ZNF490: variants seen among roughly 807,000 people sequenced by gnomAD.
ZNF490 encodes zinc finger protein 490.
A neutral mutation model predicts 17.7 loss-of-function variants in ZNF490; 11 were observed. The observed-to-expected ratio is 0.62, with a 90% confidence interval of 0.39 to 1.03. The LOEUF (loss-of-function observed/expected upper bound fraction) is 1.03. ZNF490 is among the 50% of genes least tolerant of loss of function. The probability of loss-of-function intolerance (pLI) is 0.00; values close to 1 mark genes in which losing one functional copy is unlikely to be tolerated. For missense variants in ZNF490, 542 were observed against 643.4 expected, an observed-to-expected ratio of 0.84 and a Z score of 1.71; for synonymous variants, 222 against 216.1, an observed-to-expected ratio of 1.03 and a Z score of -0.24.
chr19:12,597,432 GT>G (rs1456798500), intron 2 of ZNF490: 2 of 270,244 alleles, frequency 7.4e-6, no homozygotes, highest in African/African-American at 4.4e-5. Flanking sequence ...GCTTCCCAGA[GT>G]GGGTTTTCCC....
Position 12,610,736 on chromosome 19 carries a change from C to A in ZNF490, c.-56G>T. 1.9e-6 allele frequency: 3 copies of A among 1,547,750 alleles called. No homozygotes were observed. The highest frequency in any genetic ancestry group is 1.8e-6 in the Non-Finnish European group (2 of 1,125,180). On this transcript the variant is annotated 5_prime_UTR_variant, in exon 1 of 5. Transcript: ENST00000311437. Reference sequence around the variant, plus strand: ...AAGACTTCCGTGTCCGACCCGAGATCCGGAACAATTTCTGCTTCAACACAA... The same window carrying A: ...AAGACTTCCGTGTCCGACCCGAGATACGGAACAATTTCTGCTTCAACACAA...
chr19:12,602,125 C>CACACAT (rs3220551), intron 2 of ZNF490, among the ~76,000 whole-genome samples: 1 of 147,002 alleles, frequency 6.8e-6, no homozygotes, highest in Non-Finnish European at 1.5e-5. Context: ...CACACACACA[C>CACACAT]ACATATATGG....
At chr19:12,592,973 T>G (rs1445085147) in intron 2 of ZNF490, among the ~76,000 whole-genome samples, 1 of 152,212 alleles carries the variant, frequency 6.6e-6, no homozygotes, top group Non-Finnish European at 1.5e-5. Context: ...ATTCATGAAT[T>G]TTATTTTAGT....
intron 2 of ZNF490, among the ~76,000 whole-genome samples, 199 bp from the exon 3 acceptor site, chr19:12,583,755 CG>C: frequency 2.2e-5 from 1 of 45,800 alleles, no homozygotes; most frequent in Admixed American, 2.3e-4. Flanking sequence ...AAAATTATTG[CG>C]CTCTCTCTCT....
rs1207927382 is a variant in ZNF490 at position 12,584,824 on chromosome 19, T to TATTTTC, written c.163-1269_163-1268insGAAAAT. On this transcript the variant is annotated intron_variant, in intron 2 of 4. Coordinates refer to ENST00000311437, the MANE Select transcript of ZNF490 (RefSeq NM_020714.3). Reference sequence around the variant, plus strand: ...AACCATGCAAATCCAGGTGGCTGAATGAAAATATTCTTCTGCATTAGTATT... The same window carrying TATTTTC: ...AACCATGCAAATCCAGGTGGCTGAATATTTTCGAAAATATTCTTCTGCATTAGTATT... 3.2e-5 allele frequency among the ~76,000 whole-genome samples: 3 copies of TATTTTC among 94,514 alleles called. 1 individual carries two copies. In the East Asian group the frequency reaches 6.1e-4, roughly 19 times the overall value. 62.0% of individuals were successfully genotyped at this position (94,514 alleles called of 152,430 possible).
intron 2 of ZNF490, among the ~76,000 whole-genome samples, chr19:12,594,823 C>A (rs962238627): frequency 6.6e-6 from 1 of 152,170 alleles, no homozygotes; most frequent in Non-Finnish European, 1.5e-5. Context: ...GAAGAAGACT[C>A]CATCAATCCA....
chr19:12,591,538 C>T (rs1390886724), intron 2 of ZNF490, among the ~76,000 whole-genome samples: 1 of 152,004 alleles, frequency 6.6e-6, no homozygotes, highest in Non-Finnish European at 1.5e-5. Context: ...AACTCAGTAA[C>T]AGGAAGACAA....
At chr19:12,595,131 G>A (rs1290790137) in intron 2 of ZNF490, among the ~76,000 whole-genome samples, 1 of 152,042 alleles carries the variant, frequency 6.6e-6, no homozygotes, top group Non-Finnish European at 1.5e-5. Context: ...AGCACATGCA[G>A]TGTCCTTTTC....
intron 2 of ZNF490, among the ~76,000 whole-genome samples, chr19:12,589,924 A>G (rs1483501152): frequency 6.6e-6 from 1 of 151,662 alleles, no homozygotes; most frequent in East Asian, 1.9e-4. Context: ...TTATTTATTT[A>G]TTTATTTAGT....
At chr19:12,602,079 T>TACACACAC (rs61568541) in intron 2 of ZNF490, among the ~76,000 whole-genome samples, 306 of 68,640 alleles carry the variant, frequency 4.5e-3, no homozygotes, top group East Asian at 8.4e-3. Context: ...GTTCACTATA[T>TACACACAC]ACACACACAC....
chr19:12,604,832 A>C (rs112523771), intron 2 of ZNF490, among the ~76,000 whole-genome samples: 1 of 151,218 alleles, frequency 6.6e-6, no homozygotes, highest in Non-Finnish European at 1.5e-5. Context: ...CTCAAAAAAA[A>C]AATAATAATA....
chr19:12,609,123 AG>A (rs1232445064), intron 2 of ZNF490, 34 bp downstream of exon 2: 24 of 1,610,902 alleles, frequency 1.5e-5, no homozygotes, highest in African/African-American at 2.7e-5. Flanking sequence ...TAAACAAGGA[AG>A]GTAGCCACGC....
At chr19:12,609,073 C>G (rs561500391) in intron 2 of ZNF490, 85 bp downstream of exon 2, 160 of 1,355,634 alleles carry the variant, frequency 1.2e-4, no homozygotes, top group Non-Finnish European at 8.0e-5. Context: ...AAGACCCCCC[C>G]ACAAAGAGGT....
intron 2 of ZNF490, among the ~76,000 whole-genome samples, chr19:12,603,755 T>C (rs186018610): frequency 6.7e-6 from 1 of 149,496 alleles, no homozygotes; most frequent in East Asian, 2.0e-4. Flanking sequence ...TGTGCCACTG[T>C]CACTGGGTGA....
At chr19:12,592,680 G>A (rs1013057516) in intron 2 of ZNF490, among the ~76,000 whole-genome samples, 1 of 152,164 alleles carries the variant, frequency 6.6e-6, no homozygotes, top group Non-Finnish European at 1.5e-5. Context: ...CCCACAGATT[G>A]TATAACAGAG....
chr19:12,577,940 G>T lies in ZNF490; in HGVS notation c.*2545C>A, dbSNP rs1236007017. 2 of 985,344 alleles carry T rather than the reference G, an allele frequency of 2.0e-6. No individual in the cohort carries two copies. Among genetic ancestry groups the T allele is most frequent in the Admixed American group, 6.2e-5 (1 of 16,254 alleles). The allele number at this position is 985,344 out of a possible 1,614,324, so 61.0% of individuals were successfully genotyped here. A position where few individuals can be genotyped will look rare whatever the true frequency, so the allele number is the denominator to read the frequency against. ...ACCCCTATCGTGCCTATGCAATTCA[G>T]AAAACGGAGAATTCGGAGGCTCCAG... is the stretch of plus-strand genomic sequence containing the variant. On this transcript the variant is annotated 3_prime_UTR_variant, in exon 5 of 5. Coordinates refer to ENST00000311437, the MANE Select transcript of ZNF490 (RefSeq NM_020714.3).
intron 2 of ZNF490, chr19:12,597,434 G>T: frequency 3.7e-6 from 1 of 268,254 alleles, no homozygotes; most frequent in South Asian, 3.7e-5. Flanking sequence ...TTCCCAGAGT[G>T]GGTTTTCCCG....
intron 2 of ZNF490, among the ~76,000 whole-genome samples, chr19:12,600,256 A>C (rs1327461771): frequency 6.6e-6 from 1 of 151,860 alleles, no homozygotes; most frequent in Non-Finnish European, 1.5e-5. Context: ...AGTCCCAGCT[A>C]CTCGGGAGGC....
Position 12,580,375 on chromosome 19 carries a change from T to C in ZNF490, c.*110A>G. The C allele has an allele frequency of 6.7e-7, 1 of 1,487,276 alleles. No individual in the cohort carries two copies. Among genetic ancestry groups the C allele is most frequent in the Non-Finnish European group, 8.9e-7 (1 of 1,123,300 alleles). The allele number at this position is 1,487,276 out of a possible 1,614,324, so 92.1% of individuals were successfully genotyped here. A position where few individuals can be genotyped will look rare whatever the true frequency, so the allele number is the denominator to read the frequency against. ...CGTCTTCAAAGGGAATTAGGACAACTGAAGGCTTAATCACACCGTTTACAT... is the reference window on the plus strand; with the variant it reads ...CGTCTTCAAAGGGAATTAGGACAACCGAAGGCTTAATCACACCGTTTACAT... On this transcript the variant is annotated 3_prime_UTR_variant, in exon 5 of 5. Coordinates refer to ENST00000311437, the MANE Select transcript of ZNF490 (RefSeq NM_020714.3).
Sources: gnomAD v4.1 joint callset for allele counts (sites outside exome capture counted in the v4.1 genomes callset) on GRCh38, gnomAD v4.1.1 for gene constraint, MANE v1.5 for transcripts, NCBI Gene and HGNC (gene_info 2026-07-23, HGNC 2026-07-21) for gene names.